ZNF236: variants seen among roughly 807,000 people sequenced by gnomAD.
The protein encoded by ZNF236 is zinc finger protein 236, also known as regulated by glucose.
Under a neutral mutation model 191.2 loss-of-function variants are expected in ZNF236, and 50 were observed. The ratio of observed to expected loss-of-function variants is 0.26; its 90% CI spans 0.21 to 0.33. The LOEUF (loss-of-function observed/expected upper bound fraction) is 0.33. ZNF236 is among the 10% of genes least tolerant of loss of function. ZNF236 has a pLI of 1.00. For synonymous variants in ZNF236, 907 were observed against 928.8 expected, an observed-to-expected ratio of 0.98 and a Z score of 0.43; for missense variants, 1,754 against 2,374.5, an observed-to-expected ratio of 0.74 and a Z score of 5.43.
chr18:76,908,985 G>GTA (rs1181064935), intron 14 of ZNF236, among the ~76,000 whole-genome samples: 2 of 149,290 alleles, frequency 1.3e-5, no homozygotes, highest in African/African-American at 5.1e-5. Context: ...GTGTGTGTGT[G>GTA]TGTGTGTGTG....
intron 1 of ZNF236, among the ~76,000 whole-genome samples, chr18:76,823,007 A>G (rs1974905280): frequency 6.7e-6 from 1 of 149,006 alleles, no homozygotes; most frequent in Non-Finnish European, 1.5e-5. Context: ...CTTGAGGGAA[A>G]GTGGCCGCCC....
rs973113220 is a variant in ZNF236 at position 76,960,373 on chromosome 18, C to T, written c.5243-306C>T. Among the ~76,000 whole-genome samples, 4 of 152,286 alleles carry T rather than the reference C, an allele frequency of 2.6e-5. No homozygotes were observed. Among genetic ancestry groups the T allele is most frequent in the East Asian group, 1.9e-4 (1 of 5,174 alleles). On this transcript the variant is annotated intron_variant, in intron 29 of 30. Coordinates refer to ENST00000320610, the MANE Select transcript of ZNF236 (RefSeq NM_001306089.2). The surrounding 1 kb of genome is among the most constrained non-coding windows in gnomAD (Gnocchi z 4.4). ...GCCCTGCCCTAACAGGACATCATCC[C>T]GGGCTCATTTCTGTTGTGATCATCT... is the stretch of plus-strand genomic sequence containing the variant.
intron 30 of ZNF236, among the ~76,000 whole-genome samples, chr18:76,966,325 G>GC (rs1046222961): frequency 6.6e-6 from 1 of 150,906 alleles, no homozygotes; most frequent in African/African-American, 2.5e-5. Context: ...GCTATGGACT[G>GC]CCCCCCTTCA....
intron 1 of ZNF236, among the ~76,000 whole-genome samples, chr18:76,833,315 G>A (rs1455798885): frequency 1.3e-5 from 2 of 152,072 alleles, no homozygotes; most frequent in Non-Finnish European, 2.9e-5. Flanking sequence ...TTATTAACTA[G>A]GGTGCTTGTT....
chr18:76,829,571 C>G (rs1975110458), intron 1 of ZNF236, among the ~76,000 whole-genome samples: 1 of 152,198 alleles, frequency 6.6e-6, no homozygotes, highest in Non-Finnish European at 1.5e-5. Flanking sequence ...CAAGCTATCC[C>G]CTGCCTTAGC....
At chr18:76,869,748 G>A (rs189039180) in intron 4 of ZNF236, among the ~76,000 whole-genome samples, 1 of 152,258 alleles carries the variant, frequency 6.6e-6, no homozygotes, top group Admixed American at 6.5e-5. Flanking sequence ...CTGAGGTCAG[G>A]AGTTTGAGAC....
chr18:76,910,162 A>G lies in ZNF236; in HGVS notation c.2646A>G (p.Leu882=), dbSNP rs1292142255. 2.5e-6 allele frequency: 4 copies of G among 1,611,528 alleles called. No homozygotes were observed. The highest frequency in any genetic ancestry group is 3.4e-6 in the Non-Finnish European group (4 of 1,177,922). ...AACAGTCCTTCGAACCAGCAGGGCT[A>G]CCCCAAGGTCAGTGGTGGGTTTTCA... is the stretch of plus-strand genomic sequence containing the variant. ...PAQQSFEPAG[L]PQGFTVTDTY... Residue 882 remains leucine, a synonymous_variant, in exon 15 of 31, where the codon CTA becomes CTG. Coordinates refer to ENST00000320610, the MANE Select transcript of ZNF236 (RefSeq NM_001306089.2).
chr18:76,890,256 T>G (rs1220184609), intron 9 of ZNF236, among the ~76,000 whole-genome samples: 1 of 152,238 alleles, frequency 6.6e-6, no homozygotes, highest in Admixed American at 6.5e-5. Context: ...TGAGAGTGAC[T>G]TGTAGATATA....
intron 10 of ZNF236, among the ~76,000 whole-genome samples, chr18:76,897,279 T>C (rs968631006): frequency 1.4e-4 from 22 of 151,758 alleles, no homozygotes; most frequent in African/African-American, 5.1e-4. Flanking sequence ...AACACAGTAC[T>C]GCACACAGGT....
chr18:76,924,622 G>A (rs1225079888), intron 21 of ZNF236, among the ~76,000 whole-genome samples: 1 of 152,184 alleles, frequency 6.6e-6, no homozygotes. Flanking sequence ...AGCCTTCGTG[G>A]CCTTTGATAT....
intron 3 of ZNF236, among the ~76,000 whole-genome samples, chr18:76,856,959 C>T (rs950870789): frequency 9.2e-5 from 14 of 152,348 alleles, no homozygotes; most frequent in Admixed American, 8.5e-4. Flanking sequence ...TACAGATCCT[C>T]ATACATGCAG....
intron 1 of ZNF236, among the ~76,000 whole-genome samples, chr18:76,839,998 T>TA: frequency 6.6e-6 from 1 of 152,364 alleles, no homozygotes; most frequent in South Asian, 2.1e-4. Flanking sequence ...CTAGAATTCT[T>TA]AGAGTTCTGG....
intron 9 of ZNF236, among the ~76,000 whole-genome samples, chr18:76,893,608 A>G (rs1472985188): frequency 6.6e-6 from 1 of 152,190 alleles, no homozygotes; most frequent in Non-Finnish European, 1.5e-5. Flanking sequence ...CCTGGGCTCA[A>G]GCCATCCTTC....
chr18:76,874,286 G>T (rs979576954), intron 5 of ZNF236, among the ~76,000 whole-genome samples: 3 of 152,174 alleles, frequency 2.0e-5, no homozygotes, highest in Admixed American at 6.5e-5. Context: ...AAGCTGTTCA[G>T]AGAAGCAGGG....
At chr18:76,956,215 C>T (rs1968521175) in intron 28 of ZNF236, 33 bp downstream of exon 28, 2 of 1,538,550 alleles carry the variant, frequency 1.3e-6, no homozygotes, top group Admixed American at 2.0e-5. Context: ...CAGCTGTGTG[C>T]CCCCCAGGCG....
chr18:76,875,502 G>T lies in ZNF236; in HGVS notation c.678G>T (p.Pro226=). ...RHIRIHTGER[P]FKCSECGKAF... is the part of the protein sequence containing the mutation. ...TTTCTCCCACTCTAGGTGAAAGGCC[G>T]TTCAAATGTAGTGAATGTGGAAAGG... The change falls in exon 6 of 31, where the codon CCG becomes CCT. Residue 226 remains proline, a synonymous_variant. Coordinates refer to ENST00000320610, the MANE Select transcript of ZNF236 (RefSeq NM_001306089.2). The surrounding 1 kb of genome is among the most constrained non-coding windows in gnomAD (Gnocchi z 4.3). The T allele has an allele frequency of 1.3e-6, 2 of 1,527,912 alleles. No individual in the cohort carries two copies. The highest frequency in any genetic ancestry group is 2.4e-5 in the East Asian group (1 of 41,456). The allele number at this position is 1,527,912 out of a possible 1,614,324, so 94.6% of individuals were successfully genotyped here.
rs571490004 is a variant in ZNF236 at position 76,900,790 on chromosome 18, A to G, written c.1894+1568A>G. Reference sequence around the variant, plus strand: ...TAGGAAAATTAAAAGAAAGTAGCAGAAAGGAATTAATATAGCAGTTCCCAA... The same window carrying G: ...TAGGAAAATTAAAAGAAAGTAGCAGGAAGGAATTAATATAGCAGTTCCCAA... On this transcript the variant is annotated intron_variant, in intron 11 of 30. Coordinates refer to ENST00000320610, the MANE Select transcript of ZNF236 (RefSeq NM_001306089.2). 3.3e-5 allele frequency among the ~76,000 whole-genome samples: 5 copies of G among 152,350 alleles called. No homozygotes were observed. The South Asian group carries it at 1.0e-3, about 32-fold the overall frequency.
chr18:76,825,646 ATTATG>A (rs1189598172), intron 1 of ZNF236, among the ~76,000 whole-genome samples: 1 of 152,270 alleles, frequency 6.6e-6, no homozygotes, highest in East Asian at 1.9e-4. Context: ...CATAAAAATA[ATTATG>A]TTAATGTGTA....
intron 27 of ZNF236, 43 bp from the exon 28 acceptor site, chr18:76,955,942 C>G: frequency 6.3e-7 from 1 of 1,577,622 alleles, no homozygotes. Context: ...CTGCACAAAT[C>G]AAGCCAAGTG....
Sources: allele counts gnomAD v4.1 joint callset (sites outside exome capture counted in the v4.1 genomes callset), GRCh38; gene constraint gnomAD v4.1.1; non-coding constraint Gnocchi (gnomAD v3.1); transcripts MANE v1.5; gene names NCBI Gene and HGNC (gene_info 2026-07-23, HGNC 2026-07-21).